Variants in PCNX3 observed in about 807,000 individuals in gnomAD.
The protein encoded by PCNX3 is pecanex 3.
PCNX3 carries 58 observed loss-of-function variants against 207.2 expected under a neutral mutation model. The ratio of observed to expected loss-of-function variants is 0.28; its 90% CI spans 0.23 to 0.35. The LOEUF (loss-of-function observed/expected upper bound fraction) is 0.35. PCNX3 is among the 10% of genes least tolerant of loss of function. PCNX3 has a pLI of 1.00. For synonymous variants in PCNX3, 1,337 were observed against 1,183.5 expected, an observed-to-expected ratio of 1.13 and a Z score of -2.66; for missense variants, 2,410 against 2,774.4, an observed-to-expected ratio of 0.87 and a Z score of 2.95.
At position 65,634,654 on chromosome 11, in the gene PCNX3, G is replaced by C; in HGVS notation, c.4805+13G>C. Reference sequence around the variant, plus strand: ...GCATGTCTGCAAGGTGAGTGCTCGGGTGTCCCGCGGGGCCTACTGCCGTCC... The same window carrying C: ...GCATGTCTGCAAGGTGAGTGCTCGGCTGTCCCGCGGGGCCTACTGCCGTCC... On this transcript the variant is annotated intron_variant, in intron 29 of 34. Coordinates refer to ENST00000355703, the MANE Select transcript of PCNX3 (RefSeq NM_032223.4). 1 of 1,559,810 alleles carries C rather than the reference G, an allele frequency of 6.4e-7. No individual in the cohort carries two copies. The highest frequency in any genetic ancestry group is 8.6e-7 in the Non-Finnish European group (1 of 1,159,046).
chr11:65,622,275 C>A lies in PCNX3; in HGVS notation c.2266C>A (p.Arg756=). 1 of 1,601,890 alleles carries A rather than the reference C, an allele frequency of 6.2e-7. No homozygotes were observed. Residue 756 remains arginine, a synonymous_variant, in exon 11 of 35, where the codon CGG becomes AGG. Transcript: ENST00000355703. ...GACACTGATGGAAGAAGCGCCACCCCGGGCCCAGCATAGTTACAAGTACTG... is the reference window on the plus strand; with the variant it reads ...GACACTGATGGAAGAAGCGCCACCCAGGGCCCAGCATAGTTACAAGTACTG... ...EQTLMEEAPP[R]AQHSYKYWLL... is the part of the protein sequence containing the mutation.
chr11:65,617,141 C>T (rs531026873), intron 2 of PCNX3, 109 bp from the exon 3 acceptor site: 16 of 1,389,182 alleles, frequency 1.2e-5, no homozygotes, highest in East Asian at 7.5e-5. Flanking sequence ...CTGTGTTAGC[C>T]CTGGAATTGT....
rs1212005859 is a variant in PCNX3, at chr11:65,625,090, C to T, written c.2919+74C>T. ...TTGGGGCGGGGCTGTGAACTGGGCT[C>T]AGCAGTGGCTTCTCACACGGGGGCA... On this transcript the variant is annotated intron_variant, in intron 16 of 34. Coordinates refer to ENST00000355703, the MANE Select transcript of PCNX3 (RefSeq NM_032223.4). This position sits in a 1 kb window ranked among gnomAD's most constrained non-coding sequence, Gnocchi z 5.6. 2.6e-6 allele frequency: 4 copies of T among 1,557,434 alleles called. No individual in the cohort carries two copies. Among genetic ancestry groups the T allele is most frequent in the Non-Finnish European group, 3.5e-6 (4 of 1,141,818 alleles).
In PCNX3 at chr11:65,627,387, C is replaced by T. The variant is rs765583173; in HGVS notation, c.3525-18C>T. On this transcript the variant is annotated intron_variant, in intron 21 of 34. Transcript: ENST00000355703. ...CCGGTCCCCTACCAAGCACCCGATGCCTGCCCCTTGCCCACAGCTGCCGGG... is the reference window on the plus strand; with the variant it reads ...CCGGTCCCCTACCAAGCACCCGATGTCTGCCCCTTGCCCACAGCTGCCGGG... The T allele has an allele frequency of 1.1e-5, 17 of 1,603,582 alleles. No individual in the cohort carries two copies. Among genetic ancestry groups the T allele is most frequent in the East Asian group, 2.2e-5 (1 of 44,862 alleles).
rs1291251736 is a variant in PCNX3, at chr11:65,625,230, G to A, written c.2979G>A (p.Val993=). The change falls in exon 17 of 35, where the codon GTG becomes GTA. Residue 993 remains valine (V), a synonymous_variant. Transcript: ENST00000355703. This position sits in a 1 kb window ranked among gnomAD's most constrained non-coding sequence, Gnocchi z 5.6. The stretch of plus-strand genomic sequence containing the variant: ...TCTCAGTCTTCTGTGGCCTCCTGGT[G>A]GCACTGTCCTACCACCTGAGCCGGC... The part of the protein sequence containing the change: ...VLFSVFCGLL[V]ALSYHLSRQS... The A allele has an allele frequency of 6.2e-7, 1 of 1,611,128 alleles. No homozygotes were observed. The highest frequency in any genetic ancestry group is 8.5e-7 in the Non-Finnish European group (1 of 1,179,728).
intron 7 of PCNX3, 40 bp downstream of exon 7, chr11:65,619,700 C>T (rs779807542): frequency 4.4e-5 from 69 of 1,569,122 alleles, no homozygotes; most frequent in Non-Finnish European, 5.0e-5. Flanking sequence ...CACCGGGGGC[C>T]GGGGAGGGCC....
rs1236980561 is a variant in PCNX3 at position 65,623,918 on chromosome 11, G to T, written c.2512-11G>T. Reference sequence around the variant, plus strand: ...CGGCTCTAGTTGCCAACGTAGCCCTGTCTCTTCCAGAGCGTGCAGCCTGAT... The same window carrying T: ...CGGCTCTAGTTGCCAACGTAGCCCTTTCTCTTCCAGAGCGTGCAGCCTGAT... On this transcript the variant is annotated splice_polypyrimidine_tract_variant and intron_variant, in intron 12 of 34. Transcript: ENST00000355703. 4 of 1,612,568 alleles carry T rather than the reference G, an allele frequency of 2.5e-6. No individual in the cohort carries two copies. Among genetic ancestry groups the T allele is most frequent in the Non-Finnish European group, 3.4e-6 (4 of 1,179,884 alleles).
At position 65,622,522 on chromosome 11, in the gene PCNX3, T is replaced by A. The variant is rs1043742979; in HGVS notation, c.2357+156T>A. Among the ~76,000 whole-genome samples, 6 of 152,342 alleles carry A rather than the reference T, an allele frequency of 3.9e-5. No homozygotes were observed. In the East Asian group the frequency reaches 1.2e-3, roughly 29 times the overall value. On this transcript the variant is annotated intron_variant, in intron 11 of 34. Transcript: ENST00000355703. ...GGCTGGAGTCTGCAGTGGTGGTTTC[T>A]ATGGTTCATTTGTGGTGTAAAGGGG...
At chr11:65,632,133 T>G (rs1855639487) in intron 27 of PCNX3, among the ~76,000 whole-genome samples, 1 of 152,082 alleles carries the variant, frequency 6.6e-6, no homozygotes, top group African/African-American at 2.4e-5. Flanking sequence ...CAGGTTGAGA[T>G]GCACCTGGCC....
rs1303749498 is a variant in PCNX3, at chr11:65,625,116, G to C, written c.2920-55G>C. 8.4e-6 allele frequency: 13 copies of C among 1,554,708 alleles called. No homozygotes were observed. The highest frequency in any genetic ancestry group is 1.1e-5 in the Non-Finnish European group (13 of 1,140,528). On this transcript the variant is annotated intron_variant, in intron 16 of 34. Transcript: ENST00000355703. This position sits in a 1 kb window ranked among gnomAD's most constrained non-coding sequence, Gnocchi z 5.6. ...AGCAGTGGCTTCTCACACGGGGGCA[G>C]CCCGGGCCCCATGCTTACCTCACCT...
chr11:65,625,246 C>A lies in PCNX3; in HGVS notation c.2995C>A (p.Leu999Met). ...CCTCCTGGTGGCACTGTCCTACCAC[C>A]TGAGCCGGCAGAGCAGCGACCCCAC... ...CGLLVALSYH[L>M]SRQSSDPTVL... Residue 999 changes from leucine to methionine, a missense_variant, in exon 17 of 35, where the codon CTG (leucine) becomes ATG (methionine). This residue lies in a region of PCNX3 where 333 missense variants were observed against 386.8 expected (regional missense o/e 0.86). Transcript: ENST00000355703. This position sits in a 1 kb window ranked among gnomAD's most constrained non-coding sequence, Gnocchi z 5.6. The A allele has an allele frequency of 6.2e-7, 1 of 1,611,072 alleles. No homozygotes were observed. Among genetic ancestry groups the A allele is most frequent in the Non-Finnish European group, 8.5e-7 (1 of 1,179,566 alleles).
chr11:65,617,111 A>T (rs1854778114), intron 2 of PCNX3, 100 bp downstream of exon 2: 3 of 1,404,724 alleles, frequency 2.1e-6, no homozygotes, highest in Non-Finnish European at 2.9e-6. Context: ...TGGCTCTCTG[A>T]GTGATTGTGA....
chr11:65,637,287 C>T lies in PCNX3; in HGVS notation c.*309C>T. ...GCCAGGACCACCTCAGCCCCTGGGC[C>T]TGCACTGCCTGCAGGTGTGGCCCCC... On this transcript the variant is annotated 3_prime_UTR_variant, in exon 35 of 35. Transcript: ENST00000355703. The T allele has an allele frequency of 5.0e-6, 2 of 400,826 alleles. No homozygotes were observed. Among genetic ancestry groups the T allele is most frequent in the Non-Finnish European group, 9.1e-6 (2 of 220,170 alleles). 24.8% of individuals were successfully genotyped at this position (400,826 alleles called of 1,614,324 possible).
In PCNX3 at chr11:65,630,506, A is replaced by C; in HGVS notation, c.4372A>C (p.Lys1458Gln). 6.2e-7 allele frequency: 1 copy of C among 1,613,588 alleles called. No homozygotes were observed. ...GCTGGCTTGGGAGGTAACAGCCAGC[A>C]AGTACGTGCTGGAGGGCTATAGCAT... ...RWLAWEVTAS[K>Q]YVLEGYSISD... The change falls in exon 27 of 35, where the codon AAG (lysine) becomes CAG (glutamine). Residue 1458 changes from lysine (K) to glutamine (Q), a missense_variant. Physicochemically the swap from Lys to Gln is moderately conservative, Grantham distance 53. This residue lies in a region of PCNX3 where 420 missense variants were observed against 705.3 expected (regional missense o/e 0.60). Transcript: ENST00000355703.
chr11:65,627,072 G>T, intron 21 of PCNX3, 24 bp downstream of exon 21: 1 of 1,470,432 alleles, frequency 6.8e-7, no homozygotes, highest in Non-Finnish European at 9.0e-7. Flanking sequence ...CACCCTCAAC[G>T]ATCCCATCAT....
In PCNX3 at chr11:65,637,025, C is replaced by G. The variant is rs1323126017; in HGVS notation, c.*47C>G. On this transcript the variant is annotated 3_prime_UTR_variant, in exon 35 of 35. Transcript: ENST00000355703. ...CACCTCCTAGGATTCAGTAACGGAC[C>G]TGCTCTGCTGCCTCTCTGCTGGACC... is the stretch of plus-strand genomic sequence containing the variant. 2.0e-6 allele frequency: 3 copies of G among 1,517,646 alleles called. No homozygotes were observed. Among genetic ancestry groups the G allele is most frequent in the Non-Finnish European group, 2.7e-6 (3 of 1,129,250 alleles). The allele number at this position is 1,517,646 out of a possible 1,614,324, so 94.0% of individuals were successfully genotyped here. A position where few individuals can be genotyped will look rare whatever the true frequency, so the allele number is the denominator to read the frequency against.
rs758598044 is a variant in PCNX3, at chr11:65,624,320, G to A, written c.2670G>A (p.Thr890=). Residue 890 remains threonine, a synonymous_variant, in exon 14 of 35, where the codon ACG becomes ACA. Transcript: ENST00000355703. The stretch of plus-strand genomic sequence containing the variant: ...CACCTGTCTCCCTCTACGGCCTCAC[G>A]CTCTTCTCTGCCTCCTTCTTCTTCT... ...PFPPVSLYGL[T]LFSASFFFCA... is the part of the protein sequence containing the mutation. The A allele has an allele frequency of 2.6e-6, 4 of 1,564,616 alleles. No homozygotes were observed. The highest frequency in any genetic ancestry group is 1.4e-5 in the African/African-American group (1 of 73,772).
chr11:65,622,904 C>T (rs1205310507), intron 11 of PCNX3, among the ~76,000 whole-genome samples: 3 of 151,662 alleles, frequency 2.0e-5, no homozygotes, highest in Admixed American at 6.6e-5. Flanking sequence ...GCCCGGCCAT[C>T]CTATTCACTT....
chr11:65,622,221 C>G (rs754062228), intron 10 of PCNX3, 24 bp from the exon 11 acceptor site: 2 of 1,594,486 alleles, frequency 1.3e-6, no homozygotes, highest in Non-Finnish European at 1.7e-6. Flanking sequence ...CCTGCTGGAC[C>G]AGGACTCCCT....
Sources: allele counts gnomAD v4.1 joint callset (sites outside exome capture counted in the v4.1 genomes callset), GRCh38; gene constraint gnomAD v4.1.1; regional missense constraint gnomAD v4.1.1; non-coding constraint Gnocchi (gnomAD v3.1); transcripts MANE v1.5; gene names NCBI Gene and HGNC (gene_info 2026-07-23, HGNC 2026-07-21).